OR51B5: variants seen among roughly 807,000 people sequenced by gnomAD.
OR51B5 encodes olfactory receptor 51B5.
For missense variants in OR51B5, 456 were observed against 374.6 expected (o/e 1.22, Z -1.79); for synonymous variants, 186 against 144.8 (o/e 1.28, Z -2.04).
At chr11:5,374,446 C>G (rs28865049) in intron 1 of OR51B5, among the ~76,000 whole-genome samples, 16,806 of 152,218 alleles carry the variant, frequency 0.11, 1,050 homozygotes, top group South Asian at 0.15. Flanking sequence ...CAAAGGAAAG[C>G]AGTTCCTCAC....
intron 1 of OR51B5, among the ~76,000 whole-genome samples, chr11:5,477,692 T>C (rs948382604): frequency 1.3e-5 from 2 of 152,070 alleles, no homozygotes; most frequent in Non-Finnish European, 2.9e-5. Context: ...AGGCATTGCC[T>C]CACTTGGGAA....
intron 1 of OR51B5, among the ~76,000 whole-genome samples, chr11:5,373,188 A>C (rs1849470403): frequency 6.6e-6 from 1 of 152,242 alleles, no homozygotes; most frequent in African/African-American, 2.4e-5. Flanking sequence ...CATAAATGTA[A>C]GACCTGAAAT....
At chr11:5,457,780 A>G (rs1269518716) in intron 1 of OR51B5, among the ~76,000 whole-genome samples, 1 of 152,002 alleles carries the variant, frequency 6.6e-6, no homozygotes, top group East Asian at 1.9e-4. Flanking sequence ...TTTGAGAAGG[A>G]TATCTTTATG....
At chr11:5,355,699 G>A (rs1372103708) in intron 1 of OR51B5, 1 of 151,520 alleles carries the variant, frequency 6.6e-6, no homozygotes, top group Non-Finnish European at 1.5e-5. Context: ...TAAAAGTTAT[G>A]TTTTCAGTGG....
chr11:5,454,893 C>G (rs140336631), intron 1 of OR51B5: 1 of 154,094 alleles, frequency 6.5e-6, no homozygotes, highest in Non-Finnish European at 1.4e-5. Context: ...CAACACTAAT[C>G]TCTCTCTAGT....
chr11:5,406,074 C>T (rs1850054254), intron 1 of OR51B5, among the ~76,000 whole-genome samples: 3 of 152,110 alleles, frequency 2.0e-5, no homozygotes, highest in Admixed American at 6.6e-5. Flanking sequence ...CAGGAAAAGA[C>T]GTTAGGACCA....
chr11:5,488,570 G>A (rs1851529477), intron 1 of OR51B5: 3 of 686,962 alleles, frequency 4.4e-6, no homozygotes, highest in Admixed American at 2.9e-5. Flanking sequence ...TTGTACAAGT[G>A]AAAAACAAAT....
chr11:5,427,611 A>C (rs1850469624), intron 1 of OR51B5, among the ~76,000 whole-genome samples: 2 of 152,230 alleles, frequency 1.3e-5, no homozygotes, highest in Admixed American at 1.3e-4. Flanking sequence ...ACGACAATCC[A>C]GTAGGAACAA....
intron 1 of OR51B5, among the ~76,000 whole-genome samples, chr11:5,401,321 C>A (rs1425353540): frequency 6.6e-6 from 1 of 152,194 alleles, no homozygotes; most frequent in African/African-American, 2.4e-5. Flanking sequence ...TGATCGTTGA[C>A]AGAATATTTT....
chr11:5,410,821 T>A (rs1220362556), intron 1 of OR51B5, among the ~76,000 whole-genome samples: 1 of 152,146 alleles, frequency 6.6e-6, no homozygotes, highest in Non-Finnish European at 1.5e-5. Flanking sequence ...TGTCTTAATT[T>A]TTAACAAAAA....
intron 1 of OR51B5, among the ~76,000 whole-genome samples, chr11:5,377,373 T>C (rs1415072418): frequency 6.6e-6 from 1 of 152,162 alleles, no homozygotes; most frequent in Non-Finnish European, 1.5e-5. Context: ...GGGCAAAAAC[T>C]GGAAGCATTC....
At chr11:5,422,234 A>C (rs747049083) in intron 1 of OR51B5, 1 of 1,613,316 alleles carries the variant, frequency 6.2e-7, no homozygotes. Flanking sequence ...ACAAGAAGGC[A>C]TCTACTTCAT....
At chr11:5,451,678 C>A (rs1257771863) in intron 1 of OR51B5, among the ~76,000 whole-genome samples, 4 of 152,178 alleles carry the variant, frequency 2.6e-5, no homozygotes, top group African/African-American at 9.7e-5. Flanking sequence ...CTTTTAGATA[C>A]CTCATATGTT....
At chr11:5,357,550 A>G (rs536883368) in intron 1 of OR51B5, among the ~76,000 whole-genome samples, 1 of 152,042 alleles carries the variant, frequency 6.6e-6, no homozygotes, top group African/African-American at 2.4e-5. Context: ...CCCCACTGTC[A>G]ACATTAGACA....
At chr11:5,435,396 GAACACTTATGTTAATTTGTA>G (rs1850578870) in intron 1 of OR51B5, among the ~76,000 whole-genome samples, 2 of 152,096 alleles carry the variant, frequency 1.3e-5, no homozygotes, top group South Asian at 4.1e-4. Context: ...TTTTCTTGCA[GAACACTTATGTTAATTTGTA>G]AACATGTATG....
chr11:5,347,334 A>G (rs1849008848), upstream of OR51B5, among the ~76,000 whole-genome samples: 1 of 152,204 alleles, frequency 6.6e-6, no homozygotes, highest in African/African-American at 2.4e-5. Flanking sequence ...TTGAAAGCAG[A>G]GAGCTAGATA....
chr11:5,441,392 A>G, intron 1 of OR51B5: 1 of 1,613,954 alleles, frequency 6.2e-7, no homozygotes, highest in Non-Finnish European at 8.5e-7. Context: ...GGTTACCTAC[A>G]ATGGAGATCA....
chr11:5,457,757 G>C (rs188284084), intron 1 of OR51B5, among the ~76,000 whole-genome samples: 1 of 152,054 alleles, frequency 6.6e-6, no homozygotes, highest in Non-Finnish European at 1.5e-5. Context: ...TGTTGGCCAC[G>C]TATATGTCTT....
At chr11:5,418,440 A>T (rs1450950280) in intron 1 of OR51B5, among the ~76,000 whole-genome samples, 1 of 151,946 alleles carries the variant, frequency 6.6e-6, no homozygotes, top group African/African-American at 2.4e-5. Flanking sequence ...AACAAAAAGA[A>T]AAACAAAACA....
Sources: allele counts gnomAD v4.1 joint callset (sites outside exome capture counted in the v4.1 genomes callset), GRCh38; gene constraint gnomAD v4.1.1; transcripts MANE v1.5; gene names NCBI Gene and HGNC (gene_info 2026-07-23, HGNC 2026-07-21).